EXOC4: variants seen among roughly 807,000 people sequenced by gnomAD.
EXOC4 encodes the protein exocyst complex component 4.
Under a neutral mutation model 107.2 loss-of-function variants are expected in EXOC4, and 71 were observed. The observed-to-expected ratio is 0.66, with a 90% CI of 0.55 to 0.81. The LOEUF (loss-of-function observed/expected upper bound fraction) is 0.81. Ranked by LOEUF, EXOC4 falls within the 30% of genes least tolerant of loss-of-function variation. The pLI is 0.00. For missense variants in EXOC4, 1,108 were observed against 1,189.6 expected, an observed-to-expected ratio of 0.93 and a Z score of 1.01; for synonymous variants, 456 against 441.2, an observed-to-expected ratio of 1.03 and a Z score of -0.42.
the EXOC4 span, among the ~76,000 whole-genome samples, chr7:134,075,310 A>G: frequency 6.6e-6 from 1 of 152,174 alleles, no homozygotes; most frequent in Non-Finnish European, 1.5e-5. Context: ...TCCCTCTTCC[A>G]GGAATATAGT....
intron 9 of EXOC4, among the ~76,000 whole-genome samples, chr7:133,618,503 AT>A (rs1004797436): frequency 6.6e-6 from 1 of 152,172 alleles, no homozygotes; most frequent in African/African-American, 2.4e-5. Context: ...GAAAATGAAA[AT>A]TTTGGGTTTA....
chr7:133,589,717 G>A (rs1290969504), intron 9 of EXOC4, among the ~76,000 whole-genome samples: 1 of 152,116 alleles, frequency 6.6e-6, no homozygotes, highest in Non-Finnish European at 1.5e-5. Flanking sequence ...TTTAATTAGG[G>A]CATGAACAAG....
Position 133,694,959 on chromosome 7 carries a change from A to G in EXOC4, c.1514+64818A>G, listed in dbSNP as rs1192938440. Among the ~76,000 whole-genome samples, 9 of 152,044 alleles carry G rather than the reference A, an allele frequency of 5.9e-5. No homozygotes were observed. In the East Asian group the frequency reaches 1.7e-3, roughly 29 times the overall value. On this transcript the variant is annotated intron_variant, in intron 10 of 17. Transcript: ENST00000253861. Reference sequence around the variant, plus strand: ...TGCCTCAGCCTCCCGAGTAGCTGGGATTACAGGCATGCACCACCATGCCCG... The same window carrying G: ...TGCCTCAGCCTCCCGAGTAGCTGGGGTTACAGGCATGCACCACCATGCCCG...
In EXOC4 at chr7:133,485,273, G is replaced by A. The variant is rs867798986; in HGVS notation, c.1417+5135G>A. 1.0e-3 allele frequency among the ~76,000 whole-genome samples: 153 copies of A among 151,796 alleles called. 1 individual carries two copies. The highest frequency in any genetic ancestry group is 3.5e-3 in the African/African-American group (145 of 41,424). Reference sequence around the variant, plus strand: ...CCAAGTCACCAGTGACCTCTGCTTGGTAGACTTAATATTAGCTTTTTCTGA... The same window carrying A: ...CCAAGTCACCAGTGACCTCTGCTTGATAGACTTAATATTAGCTTTTTCTGA... On this transcript the variant is annotated intron_variant, in intron 9 of 17. Transcript: ENST00000253861.
chr7:134,064,281 G>A lies in EXOC4; in HGVS notation c.2688-10G>A. 2 of 1,420,638 alleles carry A rather than the reference G, an allele frequency of 1.4e-6. No individual in the cohort carries two copies. The highest frequency in any genetic ancestry group is 1.5e-5 in the African/African-American group (1 of 68,940). The allele number at this position is 1,420,638 out of a possible 1,614,324, so 88.0% of individuals were successfully genotyped here. A position where few individuals can be genotyped will look rare whatever the true frequency, so the allele number is the denominator to read the frequency against. ...GAGCCAGTGAGCAGTGTTCTCTCTT[G>A]CTTTCTCAGGCAGTACTACGAGATG... On this transcript the variant is annotated splice_polypyrimidine_tract_variant and intron_variant, in intron 17 of 17. Transcript: ENST00000253861.
chr7:133,500,346 T>C (rs1049559888), intron 9 of EXOC4, among the ~76,000 whole-genome samples: 2 of 152,216 alleles, frequency 1.3e-5, no homozygotes, highest in African/African-American at 2.4e-5. Context: ...TATGTCATAA[T>C]AGATGAGCTT....
chr7:133,755,212 G>T (rs1795872584), intron 10 of EXOC4, among the ~76,000 whole-genome samples: 1 of 114,490 alleles, frequency 8.7e-6, no homozygotes, highest in African/African-American at 3.6e-5. Flanking sequence ...GTTTATATAT[G>T]TGTGTGTGTG....
At chr7:133,760,834 C>A (rs1416197318) in intron 10 of EXOC4, among the ~76,000 whole-genome samples, 1 of 151,842 alleles carries the variant, frequency 6.6e-6, no homozygotes, top group Non-Finnish European at 1.5e-5. Flanking sequence ...TTCTGTGTAA[C>A]AAAAGTATTT....
intron 17 of EXOC4, among the ~76,000 whole-genome samples, chr7:134,026,360 G>C (rs1585331885): frequency 6.6e-6 from 1 of 151,556 alleles, no homozygotes; most frequent in East Asian, 1.9e-4. Context: ...GATGGGCTCT[G>C]TCTATTTCTG....
intron 9 of EXOC4, among the ~76,000 whole-genome samples, chr7:133,542,996 G>C (rs1284367911): frequency 6.6e-6 from 1 of 152,030 alleles, no homozygotes; most frequent in Non-Finnish European, 1.5e-5. Flanking sequence ...GCTATCAAAA[G>C]AATGTTTTGC....
chr7:133,263,322 AT>A (rs527368364), intron 1 of EXOC4, among the ~76,000 whole-genome samples: 14 of 148,762 alleles, frequency 9.4e-5, no homozygotes, highest in East Asian at 2.0e-4. Flanking sequence ...AATTGTTAAA[AT>A]TTTTTTTTCT....
chr7:133,628,950 G>A (rs148341879), intron 9 of EXOC4, among the ~76,000 whole-genome samples: 5 of 152,288 alleles, frequency 3.3e-5, no homozygotes, highest in African/African-American at 7.2e-5. Flanking sequence ...TGAAACACAC[G>A]CTGTTGGTGA....
the EXOC4 span, among the ~76,000 whole-genome samples, chr7:134,082,231 T>C: frequency 6.6e-6 from 1 of 152,172 alleles, no homozygotes; most frequent in Non-Finnish European, 1.5e-5. Flanking sequence ...GGGTAGATTA[T>C]TCATGAGTTT....
At chr7:133,854,829 C>G (rs1798314351) in intron 11 of EXOC4, among the ~76,000 whole-genome samples, 1 of 149,566 alleles carries the variant, frequency 6.7e-6, no homozygotes, top group Admixed American at 6.7e-5. Context: ...AAAAACTTGC[C>G]TGTTGGCATT....
intron 9 of EXOC4, among the ~76,000 whole-genome samples, chr7:133,568,469 A>G (rs1800953822): frequency 6.6e-6 from 1 of 152,194 alleles, no homozygotes; most frequent in African/African-American, 2.4e-5. Context: ...CATAATTTTA[A>G]AATAACTTTT....
intron 9 of EXOC4, among the ~76,000 whole-genome samples, chr7:133,499,347 A>G (rs1215800378): frequency 6.6e-6 from 1 of 152,216 alleles, no homozygotes; most frequent in Non-Finnish European, 1.5e-5. Flanking sequence ...AAAGAAGTTC[A>G]ATATTATTAA....
chr7:133,844,140 C>T (rs1489089689), intron 11 of EXOC4, among the ~76,000 whole-genome samples: 1 of 152,074 alleles, frequency 6.6e-6, no homozygotes, highest in Admixed American at 6.5e-5. Context: ...TGTTGTGTCT[C>T]TGCCAGGTTT....
At chr7:133,486,828 T>A (rs996059073) in intron 9 of EXOC4, among the ~76,000 whole-genome samples, 1 of 152,300 alleles carries the variant, frequency 6.6e-6, no homozygotes, top group South Asian at 2.1e-4. Flanking sequence ...AATAAAGTTA[T>A]AATAGAATTT....
chr7:133,284,067 T>C (rs1428934712), intron 2 of EXOC4, among the ~76,000 whole-genome samples: 1 of 152,194 alleles, frequency 6.6e-6, no homozygotes, highest in African/African-American at 2.4e-5. Context: ...GTTTAGAGAA[T>C]TTTGGTGTGG....
Sources: allele counts gnomAD v4.1 joint callset (sites outside exome capture counted in the v4.1 genomes callset), GRCh38; gene constraint gnomAD v4.1.1; transcripts MANE v1.5; gene names NCBI Gene and HGNC (gene_info 2026-07-23, HGNC 2026-07-21).